The following LRRFIP1 variants were observed in gnomAD, a reference collection of about 807,000 sequenced individuals.
LRRFIP1 encodes leucine-rich repeat flightless-interacting protein 1.
In LRRFIP1, 62 loss-of-function variants were observed where a neutral mutation model predicts 104.4. The ratio of observed to expected loss-of-function variants is 0.59; its 90% CI spans 0.48 to 0.73. LRRFIP1 has a LOEUF of 0.73. LRRFIP1 is among the 30% of genes least tolerant of loss of function. The pLI, the probability that LRRFIP1 is intolerant of heterozygous loss-of-function variation, is 0.00. For synonymous variants in LRRFIP1, 300 were observed against 299.0 expected (o/e 1.00, Z -0.03); for missense variants, 796 against 824.5 (o/e 0.97, Z 0.42).
At chr2:237,764,057 G>A (rs2150877353) in intron 19 of LRRFIP1, 1 of 1,614,214 alleles carries the variant, frequency 6.2e-7, no homozygotes, top group East Asian at 2.2e-5. Flanking sequence ...AAGAGAGCCA[G>A]GGCACTTCAA....
chr2:237,708,735 C>A (rs936705128), intron 2 of LRRFIP1, 105 bp downstream of exon 2: 5 of 1,275,574 alleles, frequency 3.9e-6, no homozygotes, highest in East Asian at 5.1e-5. Context: ...GGCTGTCTCA[C>A]GTTGCTCACG....
intron 5 of LRRFIP1, among the ~76,000 whole-genome samples, chr2:237,720,314 C>T (rs553826965): frequency 7.3e-5 from 11 of 151,658 alleles, no homozygotes. Flanking sequence ...GTGGTGCAGT[C>T]TTGGCTCACT....
chr2:237,749,611 G>A (rs559573098), intron 13 of LRRFIP1, among the ~76,000 whole-genome samples: 386 of 152,222 alleles, frequency 2.5e-3, no homozygotes, highest in Non-Finnish European at 4.5e-3. Context: ...CACTTGGCAC[G>A]TTGTGTTGAT....
At chr2:237,750,458 T>A (rs2058478632) in intron 13 of LRRFIP1, among the ~76,000 whole-genome samples, 1 of 148,594 alleles carries the variant, frequency 6.7e-6, no homozygotes, top group Admixed American at 6.8e-5. Flanking sequence ...AGCCTCAGCC[T>A]CCTGAGTAGC....
intron 1 of LRRFIP1, among the ~76,000 whole-genome samples, chr2:237,668,050 C>T (rs952312928): frequency 3.3e-5 from 5 of 152,124 alleles, no homozygotes; most frequent in Non-Finnish European, 7.4e-5. Context: ...ACCCCCCTTT[C>T]CCCAACACTC....
intron 1 of LRRFIP1, among the ~76,000 whole-genome samples, chr2:237,685,925 T>C (rs754553739): frequency 6.6e-6 from 1 of 152,238 alleles, no homozygotes; most frequent in African/African-American, 2.4e-5. Flanking sequence ...AATGGCAGAA[T>C]GTAATGACCA....
intron 11 of LRRFIP1, among the ~76,000 whole-genome samples, chr2:237,740,249 TAAA>T (rs548413594): frequency 0.042 from 5,304 of 125,696 alleles, 108 homozygotes; most frequent in Middle Eastern, 0.14. Context: ...CTCTAAACAG[TAAA>T]AAAAAAAAAA....
intron 1 of LRRFIP1, among the ~76,000 whole-genome samples, chr2:237,672,194 A>G (rs887230377): frequency 1.3e-5 from 2 of 152,176 alleles, no homozygotes; most frequent in Admixed American, 1.3e-4. Flanking sequence ...ATCATATACA[A>G]TATTGGCCTG....
chr2:237,774,720 C>T (rs892948072), intron 23 of LRRFIP1, among the ~76,000 whole-genome samples: 9 of 152,246 alleles, frequency 5.9e-5, no homozygotes, highest in Admixed American at 1.3e-4. Flanking sequence ...TGTCCGTAAA[C>T]GTCAAGAGAA....
intron 2 of LRRFIP1, among the ~76,000 whole-genome samples, chr2:237,713,940 A>G (rs191057790): frequency 1.3e-5 from 2 of 152,364 alleles, no homozygotes; most frequent in East Asian, 1.9e-4. Flanking sequence ...GAAATTCTGA[A>G]TTAAAGATGA....
intron 1 of LRRFIP1, among the ~76,000 whole-genome samples, chr2:237,683,913 C>T (rs1288642522): frequency 6.6e-6 from 1 of 152,188 alleles, no homozygotes; most frequent in Admixed American, 6.5e-5. Context: ...GCTATGGGTA[C>T]TGTTTAAATT....
rs777229403 is a variant in LRRFIP1, at chr2:237,708,638, T to C, written c.183+8T>C. 10 of 1,590,640 alleles carry C rather than the reference T, an allele frequency of 6.3e-6. No homozygotes were observed. The Admixed American group carries it at 1.2e-4, about 20-fold the overall frequency. On this transcript the variant is annotated splice_region_variant and intron_variant, in intron 2 of 23. Transcript: ENST00000308482. ...GAGCGGCAGCAGAAGGAGGTAACGC[T>C]TGGGGCTCCTTGTTGGGTCTTTTCA...
intron 1 of LRRFIP1, among the ~76,000 whole-genome samples, chr2:237,647,828 T>C (rs958405752): frequency 2.7e-5 from 4 of 150,080 alleles, no homozygotes; most frequent in Admixed American, 6.6e-5. Flanking sequence ...CCTGTCGCCC[T>C]GTGGCCGGCC....
chr2:237,723,586 G>A lies in LRRFIP1; in HGVS notation c.384G>A (p.Trp128Ter), dbSNP rs1196177620. 1 of 1,613,894 alleles carries A rather than the reference G, an allele frequency of 6.2e-7. No homozygotes were observed. The highest frequency in any genetic ancestry group is 1.7e-5 in the Admixed American group (1 of 60,022). The change falls in exon 7 of 24, where the codon TGG (tryptophan) becomes TGA (stop). Residue 128 changes from tryptophan to a stop codon, truncating the protein, a stop_gained and splice_region_variant. Transcript: ENST00000308482. LOFTEE classifies it high-confidence loss of function. ...PDLEYGGPYA[W>*]TNGYDGELYG... Reference sequence around the variant, plus strand: ...TGGAGTATGGGGGTCCTTACGCCTGGGTGAGATGGTCGGATATACTTTGCT... The same window carrying A: ...TGGAGTATGGGGGTCCTTACGCCTGAGTGAGATGGTCGGATATACTTTGCT...
chr2:237,728,922 C>G (rs2094885651), intron 8 of LRRFIP1, among the ~76,000 whole-genome samples: 1 of 152,060 alleles, frequency 6.6e-6, no homozygotes, highest in Non-Finnish European at 1.5e-5. Context: ...ATTGCATGCA[C>G]TTTAATTATT....
intron 19 of LRRFIP1, chr2:237,764,381 C>T: frequency 4.2e-6 from 6 of 1,428,764 alleles, no homozygotes; most frequent in Non-Finnish European, 5.5e-6. Flanking sequence ...TGAGAGCATT[C>T]CAGTAGTATC....
intron 1 of LRRFIP1, 33 bp from the exon 2 acceptor site, chr2:237,708,511 C>G: frequency 1.3e-6 from 2 of 1,520,452 alleles, no homozygotes; most frequent in Non-Finnish European, 1.8e-6. Context: ...GCCCGCTGCT[C>G]TGTCCTCTAA....
intron 19 of LRRFIP1, chr2:237,769,703 T>A: frequency 2.0e-6 from 1 of 498,162 alleles, no homozygotes; most frequent in Non-Finnish European, 3.6e-6. Flanking sequence ...ATTAGCAGCC[T>A]GTTTGCATGC....
intron 1 of LRRFIP1, among the ~76,000 whole-genome samples, chr2:237,628,943 T>C (rs1423221692): frequency 6.6e-6 from 1 of 152,226 alleles, no homozygotes; most frequent in African/African-American, 2.4e-5. Context: ...CCCTTATTCA[T>C]TCCTGGAAGC....
Sources: gnomAD v4.1 joint callset for allele counts (sites outside exome capture counted in the v4.1 genomes callset) on GRCh38, gnomAD v4.1.1 for gene constraint, MANE v1.5 for transcripts, NCBI Gene and HGNC (gene_info 2026-07-23, HGNC 2026-07-21) for gene names.